SLC25A24: variants seen among roughly 807,000 people sequenced by gnomAD.
SLC25A24 encodes the protein solute carrier family 25 member 24.
A neutral mutation model predicts 60.7 loss-of-function variants in SLC25A24; 49 were observed. That is an observed-to-expected ratio of 0.81 (90% CI 0.64 to 1.02). The LOEUF (loss-of-function observed/expected upper bound fraction) is 1.02. Ranked by LOEUF, SLC25A24 falls within the 50% of genes least tolerant of loss-of-function variation. SLC25A24 has a pLI of 0.00. For synonymous variants in SLC25A24, 202 were observed against 200.6 expected (o/e 1.01, Z -0.06); for missense variants, 564 against 586.3 (o/e 0.96, Z 0.39).
At position 108,143,719 on chromosome 1, in the gene SLC25A24, A is replaced by G; in HGVS notation, c.931-9T>C. 1 of 1,561,660 alleles carries G rather than the reference A, an allele frequency of 6.4e-7. No homozygotes were observed. Among genetic ancestry groups the G allele is most frequent in the Non-Finnish European group, 8.7e-7 (1 of 1,147,224 alleles). Reference sequence around the variant, plus strand: ...AGCCTGGTTTTCATAACCTGGATATAAAAAAAAACAAAATATGATTGTTCA... The same window carrying G: ...AGCCTGGTTTTCATAACCTGGATATGAAAAAAAACAAAATATGATTGTTCA... On this transcript the variant is annotated splice_polypyrimidine_tract_variant and intron_variant, in intron 7 of 9. Transcript: ENST00000565488.
At chr1:108,199,419 G>A (rs920200655) in intron 1 of SLC25A24, 1 of 156,390 alleles carries the variant, frequency 6.4e-6, no homozygotes, top group African/African-American at 2.4e-5. Flanking sequence ...CATTAACCTA[G>A]GAATGTCTTA....
At chr1:108,147,900 T>TCC (rs1025651358) in intron 7 of SLC25A24, among the ~76,000 whole-genome samples, 1 of 152,034 alleles carries the variant, frequency 6.6e-6, no homozygotes, top group African/African-American at 2.4e-5. Context: ...AGGCACTCTC[T>TCC]CTCTCTCTCT....
rs530995632 is a variant in SLC25A24 at position 108,162,602 on chromosome 1, G to A, written c.399-1309C>T. On this transcript the variant is annotated intron_variant, in intron 3 of 9. Coordinates refer to ENST00000565488, the MANE Select transcript of SLC25A24 (RefSeq NM_013386.5). Reference sequence around the variant, plus strand: ...CTGCATAAATGTCTTCTTTCGAGAAGTGTCTGTTCATGTCCTTCACCCACT... The same window carrying A: ...CTGCATAAATGTCTTCTTTCGAGAAATGTCTGTTCATGTCCTTCACCCACT... Among the ~76,000 whole-genome samples, 775 of 152,232 alleles carry A rather than the reference G, an allele frequency of 5.1e-3. 9 individuals are homozygous for A. Among genetic ancestry groups the A allele is most frequent in the African/African-American group, 0.018 (740 of 41,510 alleles).
At chr1:108,138,949 G>T in intron 9 of SLC25A24, 109 bp downstream of exon 9, 1 of 1,148,006 alleles carries the variant, frequency 8.7e-7, no homozygotes, top group South Asian at 2.3e-5. Context: ...AAAAGGTTGA[G>T]AAATACTGTC....
intron 9 of SLC25A24, among the ~76,000 whole-genome samples, chr1:108,137,703 A>AG (rs1186061778): frequency 2.6e-5 from 4 of 152,186 alleles, no homozygotes; most frequent in Admixed American, 2.6e-4. Context: ...GGCAGACAGG[A>AG]GGGTTAGAAT....
intron 4 of SLC25A24, among the ~76,000 whole-genome samples, chr1:108,158,881 T>C (rs1311039290): frequency 6.6e-6 from 1 of 152,018 alleles, no homozygotes; most frequent in Admixed American, 6.5e-5. Context: ...TGGGTGCCTG[T>C]AGTCCCAGCT....
chr1:108,141,658 C>T (rs1679445504), intron 8 of SLC25A24, among the ~76,000 whole-genome samples: 1 of 151,958 alleles, frequency 6.6e-6, no homozygotes, highest in Admixed American at 6.6e-5. Context: ...GATATATATA[C>T]CCAACAAATT....
At chr1:108,159,817 G>T (rs1017906274) in intron 4 of SLC25A24, among the ~76,000 whole-genome samples, 3 of 151,532 alleles carry the variant, frequency 2.0e-5, no homozygotes, top group Non-Finnish European at 4.4e-5. Context: ...CAAGGCAGAA[G>T]AATTTTTCTT....
intron 8 of SLC25A24, among the ~76,000 whole-genome samples, chr1:108,141,294 T>C (rs1679436896): frequency 2.0e-5 from 3 of 152,020 alleles, no homozygotes; most frequent in Admixed American, 2.0e-4. Context: ...AAGCAAACAC[T>C]TACAGAACTG....
At chr1:108,160,269 T>A (rs1223197343) in intron 4 of SLC25A24, among the ~76,000 whole-genome samples, 1 of 141,598 alleles carries the variant, frequency 7.1e-6, no homozygotes. Flanking sequence ...TCCCCACATC[T>A]CAGACGATGG....
chr1:108,148,161 G>T, intron 7 of SLC25A24, 118 bp downstream of exon 7: 4 of 723,200 alleles, frequency 5.5e-6, no homozygotes, highest in Non-Finnish European at 7.4e-6. Flanking sequence ...CTGACCCAGA[G>T]AAACTGTGCG....
chr1:108,195,669 T>A lies in SLC25A24; in HGVS notation c.183+4287A>T, dbSNP rs58472202. Among the ~76,000 whole-genome samples, 206 of 152,310 alleles carry A rather than the reference T, an allele frequency of 1.4e-3. 4 individuals carry two copies. In the East Asian group the frequency reaches 0.034, roughly 25 times the overall value. Reference sequence around the variant, plus strand: ...ATTTCATATCATGTCTTCTTAATATTGTGCCAGAAACCATAACATGTCTGA... The same window carrying A: ...ATTTCATATCATGTCTTCTTAATATAGTGCCAGAAACCATAACATGTCTGA... On this transcript the variant is annotated intron_variant, in intron 1 of 9. Coordinates refer to ENST00000565488, the MANE Select transcript of SLC25A24 (RefSeq NM_013386.5).
chr1:108,149,784 T>G (rs978200943), intron 6 of SLC25A24, among the ~76,000 whole-genome samples: 4 of 152,154 alleles, frequency 2.6e-5, no homozygotes, highest in African/African-American at 9.7e-5. Flanking sequence ...TCTCCAGGGA[T>G]CCTTCCCCTA....
chr1:108,172,658 G>A (rs917913446), intron 3 of SLC25A24, among the ~76,000 whole-genome samples: 5 of 152,156 alleles, frequency 3.3e-5, no homozygotes, highest in African/African-American at 1.2e-4. Context: ...ATTTCAACAT[G>A]AGATTTGGAG....
In SLC25A24 at chr1:108,136,170, T is replaced by C. The variant is rs41278466; in HGVS notation, c.*483A>G. ...TAAACCCTATACTTATTTGGATGCT[T>C]TTGCTGTAAGGTATATTTTAAATGT... On this transcript the variant is annotated 3_prime_UTR_variant, in exon 10 of 10. Coordinates refer to ENST00000565488, the MANE Select transcript of SLC25A24 (RefSeq NM_013386.5). The C allele has an allele frequency of 9.5e-3, 1,455 of 152,616 alleles. 11 individuals are homozygous for C. Among genetic ancestry groups the C allele is most frequent in the Admixed American group, 0.022 (332 of 15,314 alleles). The allele number at this position is 152,616 out of a possible 1,614,324, so 9.5% of individuals were successfully genotyped here.
At chr1:108,188,628 A>G (rs1192775716) in intron 1 of SLC25A24, among the ~76,000 whole-genome samples, 1 of 152,238 alleles carries the variant, frequency 6.6e-6, no homozygotes, top group Non-Finnish European at 1.5e-5. Flanking sequence ...GATGAACTAG[A>G]AGTCAATACT....
At chr1:108,157,817 A>C (rs776770357) in intron 4 of SLC25A24, among the ~76,000 whole-genome samples, 197 bp from the exon 5 acceptor site, 44 of 152,360 alleles carry the variant, frequency 2.9e-4, no homozygotes, top group Non-Finnish European at 5.6e-4. Context: ...GTTCACAAGA[A>C]ATGAAAATAA....
intron 1 of SLC25A24, among the ~76,000 whole-genome samples, chr1:108,197,665 T>C (rs541692703): frequency 6.6e-6 from 1 of 152,334 alleles, no homozygotes; most frequent in Admixed American, 6.5e-5. Context: ...GGTGTGTCTG[T>C]GAGGATGTCT....
intron 1 of SLC25A24, chr1:108,192,825 A>G: frequency 8.3e-7 from 1 of 1,205,922 alleles, no homozygotes; most frequent in African/African-American, 1.5e-5. Context: ...CTTCAGCGCA[A>G]AGGCGCGAGC....
Sources: allele counts gnomAD v4.1 joint callset (sites outside exome capture counted in the v4.1 genomes callset), GRCh38; gene constraint gnomAD v4.1.1; transcripts MANE v1.5; gene names NCBI Gene and HGNC (gene_info 2026-07-23, HGNC 2026-07-21).